OLFM3: variants seen among roughly 807,000 people sequenced by gnomAD.
The protein encoded by OLFM3 is olfactomedin 3.
OLFM3 carries 20 observed loss-of-function variants against 48.6 expected under a neutral mutation model. The observed-to-expected ratio is 0.41, with a 90% confidence interval of 0.29 to 0.60. OLFM3 has a LOEUF of 0.60. OLFM3 is among the 20% of genes least tolerant of loss of function. The pLI is 0.28. For synonymous variants in OLFM3, 222 were observed against 198.1 expected (o/e 1.12, Z -1.01); for missense variants, 437 against 544.3 (o/e 0.80, Z 1.96).
At chr1:101,835,448 G>A (rs1655356598) in intron 2 of OLFM3, among the ~76,000 whole-genome samples, 1 of 152,142 alleles carries the variant, frequency 6.6e-6, no homozygotes, top group African/African-American at 2.4e-5. Context: ...CTGAGTAGCT[G>A]GTATTACAGG....
chr1:101,918,096 G>A (rs1412352293), intron 1 of OLFM3, among the ~76,000 whole-genome samples: 3 of 151,938 alleles, frequency 2.0e-5, no homozygotes, highest in South Asian at 2.1e-4. Context: ...TAATTAAGTC[G>A]TCCAAAGAAA....
chr1:101,823,907 G>A (rs941603206), intron 4 of OLFM3, among the ~76,000 whole-genome samples: 3 of 151,302 alleles, frequency 2.0e-5, no homozygotes, highest in Admixed American at 2.0e-4. Flanking sequence ...GATGACAGTG[G>A]AGCCTCCGAT....
At chr1:101,843,444 C>T (rs940213267) in intron 1 of OLFM3, among the ~76,000 whole-genome samples, 4 of 152,198 alleles carry the variant, frequency 2.6e-5, no homozygotes, top group Admixed American at 6.5e-5. Context: ...GGAGCCTGAG[C>T]CTTCTGAGAG....
At chr1:101,990,613 T>C (rs1186091082) in intron 1 of OLFM3, among the ~76,000 whole-genome samples, 4 of 152,170 alleles carry the variant, frequency 2.6e-5, no homozygotes, top group African/African-American at 7.2e-5. Context: ...CCAGCTTCTG[T>C]TTTTACACTG....
intron 3 of OLFM3, among the ~76,000 whole-genome samples, chr1:101,829,135 C>A (rs1655024705): frequency 6.6e-6 from 1 of 152,190 alleles, no homozygotes. Flanking sequence ...GAGGGGCCAA[C>A]CGCACCTTGT....
At chr1:101,896,621 A>T (rs1658212341) in intron 1 of OLFM3, among the ~76,000 whole-genome samples, 1 of 140,490 alleles carries the variant, frequency 7.1e-6, no homozygotes, top group Non-Finnish European at 1.5e-5. Context: ...CAGCCTCCCC[A>T]GTAGCTGGGA....
intron 1 of OLFM3, among the ~76,000 whole-genome samples, chr1:101,897,282 T>C (rs886893981): frequency 3.3e-5 from 5 of 152,312 alleles, no homozygotes; most frequent in African/African-American, 9.6e-5. Context: ...TTAAAATAGA[T>C]ACCATTACTA....
chr1:101,947,351 A>G (rs1659993469), intron 1 of OLFM3, among the ~76,000 whole-genome samples: 1 of 152,228 alleles, frequency 6.6e-6, no homozygotes, highest in Non-Finnish European at 1.5e-5. Context: ...TTATAAACAC[A>G]GTATTCATGT....
chr1:101,989,299 T>G (rs2101119026), intron 1 of OLFM3, among the ~76,000 whole-genome samples: 1 of 152,252 alleles, frequency 6.6e-6, no homozygotes, highest in Non-Finnish European at 1.5e-5. Flanking sequence ...TTACAACACC[T>G]TGTTTTTAAA....
chr1:101,867,503 C>G (rs1460906320), intron 1 of OLFM3, among the ~76,000 whole-genome samples: 1 of 152,150 alleles, frequency 6.6e-6, no homozygotes, highest in Admixed American at 6.6e-5. Context: ...TCAATCTAGA[C>G]TAGAATACTA....
At chr1:101,983,114 C>T (rs1433506024) in intron 1 of OLFM3, among the ~76,000 whole-genome samples, 2 of 152,196 alleles carry the variant, frequency 1.3e-5, no homozygotes, top group Admixed American at 6.5e-5. Flanking sequence ...TTTAATACCA[C>T]CAGTGGCTCT....
chr1:101,820,273 G>C (rs1198807845), intron 4 of OLFM3, among the ~76,000 whole-genome samples: 1 of 152,010 alleles, frequency 6.6e-6, no homozygotes, highest in Non-Finnish European at 1.5e-5. Context: ...TGCTTCACTA[G>C]ATGGCACCAA....
intron 1 of OLFM3, among the ~76,000 whole-genome samples, chr1:101,938,917 C>T (rs1557738080): frequency 6.6e-6 from 1 of 152,126 alleles, no homozygotes; most frequent in African/African-American, 2.4e-5. Context: ...GGCAAATTTC[C>T]CACCCACCTG....
At chr1:101,989,464 T>C (rs368363558) in intron 1 of OLFM3, among the ~76,000 whole-genome samples, 14 of 152,250 alleles carry the variant, frequency 9.2e-5, no homozygotes, top group Non-Finnish European at 1.5e-4. Context: ...CAACCTCTTA[T>C]AGAAAGTAAC....
intron 4 of OLFM3, among the ~76,000 whole-genome samples, chr1:101,806,582 T>A (rs1395678795): frequency 6.6e-6 from 1 of 151,778 alleles, no homozygotes; most frequent in Non-Finnish European, 1.5e-5. Context: ...GTCCCCATGC[T>A]TTGTGACTAT....
At position 101,976,278 on chromosome 1, in the gene OLFM3, GA is replaced by G. The variant is rs1171852745; in HGVS notation, c.69+20469del. ...ATTTTGTGTTTAAATCCCATGTAAG[GA>G]ACTCTGACCTGGTATTATCAGTAGC... is the stretch of plus-strand genomic sequence containing the variant. On this transcript the variant is annotated intron_variant, in intron 1 of 5. Transcript: ENST00000370103. Among the ~76,000 whole-genome samples the G allele has an allele frequency of 4.6e-5, 7 of 152,214 alleles. No individual in the cohort carries two copies. The East Asian group carries it at 1.4e-3, about 29-fold the overall frequency.
intron 1 of OLFM3, among the ~76,000 whole-genome samples, chr1:101,897,444 G>A (rs992273666): frequency 3.3e-5 from 5 of 152,070 alleles, no homozygotes; most frequent in African/African-American, 7.2e-5. Context: ...CTAAGTGAAC[G>A]CTACTCCCTA....
intron 1 of OLFM3, among the ~76,000 whole-genome samples, chr1:101,874,540 C>T (rs191058438): frequency 6.6e-6 from 1 of 151,680 alleles, no homozygotes. Context: ...TATTGAGCAT[C>T]TGTCAAATGT....
chr1:101,957,394 C>A (rs1660330197), intron 1 of OLFM3, among the ~76,000 whole-genome samples: 1 of 151,918 alleles, frequency 6.6e-6, no homozygotes, highest in Non-Finnish European at 1.5e-5. Context: ...ATCCCTAAAC[C>A]AATTTGTGCT....
Sources: gnomAD v4.1 joint callset for allele counts (sites outside exome capture counted in the v4.1 genomes callset) on GRCh38, gnomAD v4.1.1 for gene constraint, MANE v1.5 for transcripts, NCBI Gene and HGNC (gene_info 2026-07-23, HGNC 2026-07-21) for gene names.